The following AMPD3 variants were observed in gnomAD, a reference collection of about 807,000 sequenced individuals.
The protein encoded by AMPD3 is AMP deaminase 3.
AMPD3 carries 57 observed loss-of-function variants against 82.3 expected under a neutral mutation model. The observed-to-expected ratio is 0.69, with a 90% CI of 0.56 to 0.86. The LOEUF (loss-of-function observed/expected upper bound fraction) is 0.86, where lower values mean the gene tolerates loss of function less well. AMPD3 is among the 40% of genes least tolerant of loss of function. The pLI is 0.00. For missense variants in AMPD3, 870 were observed against 1,003.8 expected, an observed-to-expected ratio of 0.87 and a Z score of 1.80; for synonymous variants, 381 against 394.7, an observed-to-expected ratio of 0.97 and a Z score of 0.41.
chr11:10,461,567 A>G lies in AMPD3; in HGVS notation c.48A>G (p.Gln16=). ...TGAACATCTCTGAAGTGGATGAGCAAGTCCGGCTCCTGGCGGAGAAGGTGT... is the reference window on the plus strand; with the variant it reads ...TGAACATCTCTGAAGTGGATGAGCAGGTCCGGCTCCTGGCGGAGAAGGTGT... ...PKLNISEVDE[Q]VRLLAEKVFA... The change falls in exon 2 of 15, where the codon CAA becomes CAG. Residue 16 remains glutamine (Q), a synonymous_variant. Transcript: ENST00000396553. 1 of 1,614,226 alleles carries G rather than the reference A, an allele frequency of 6.2e-7. No homozygotes were observed. Among genetic ancestry groups the G allele is most frequent in the Non-Finnish European group, 8.5e-7 (1 of 1,180,028 alleles).
intron 2 of AMPD3, among the ~76,000 whole-genome samples, chr11:10,470,205 G>A (rs1347034432): frequency 3.9e-5 from 6 of 152,178 alleles, no homozygotes; most frequent in Admixed American, 3.9e-4. Flanking sequence ...CAGAACCAAT[G>A]ACGAAAACCA....
chr11:10,478,049 G>C (rs1486762103), intron 2 of AMPD3: 1 of 985,318 alleles, frequency 1.0e-6, no homozygotes, highest in Non-Finnish European at 1.2e-6. Context: ...GTGAAATGCA[G>C]TGTGATTGTC....
At chr11:10,475,943 A>T (rs920426823) in intron 2 of AMPD3, among the ~76,000 whole-genome samples, 17 of 152,194 alleles carry the variant, frequency 1.1e-4, no homozygotes. Context: ...TCCAGACAAG[A>T]GTACAGTGTG....
chr11:10,496,715 G>A (rs1849412376), intron 9 of AMPD3, 97 bp from the exon 10 acceptor site: 1 of 1,593,638 alleles, frequency 6.3e-7, no homozygotes, highest in Non-Finnish European at 8.6e-7. Flanking sequence ...GTGTTTGATG[G>A]GGACACAGGG....
intron 12 of AMPD3, chr11:10,502,076 T>C: frequency 5.1e-6 from 5 of 985,490 alleles, no homozygotes; most frequent in Non-Finnish European, 6.0e-6. Flanking sequence ...ACAGAGTCCA[T>C]CCACCTTTTC....
At chr11:10,473,743 A>G (rs1848658911) in intron 2 of AMPD3, 13 of 370,710 alleles carry the variant, frequency 3.5e-5, no homozygotes, top group Non-Finnish European at 4.8e-5. Context: ...GGAAGGTGTC[A>G]GCCCCTCTTA....
At chr11:10,481,647 T>A (rs1040166191) in intron 3 of AMPD3, 4 of 356,242 alleles carry the variant, frequency 1.1e-5, no homozygotes, top group Non-Finnish European at 1.6e-5. Context: ...AAGGGAGCGA[T>A]ACATGGAGGA....
chr11:10,482,243 G>A lies in AMPD3; in HGVS notation c.589+18G>A, dbSNP rs1293937012. 1 of 1,610,406 alleles carries A rather than the reference G, an allele frequency of 6.2e-7. No individual in the cohort carries two copies. On this transcript the variant is annotated intron_variant, in intron 4 of 14. Transcript: ENST00000396553. ...CCTTCCAGGTATGGAGCTCTGGCTG[G>A]AGGTTGGGTCCCAAGTGTGGGCAGA...
intron 2 of AMPD3, among the ~76,000 whole-genome samples, chr11:10,468,127 A>C (rs560820706): frequency 2.6e-4 from 39 of 152,358 alleles, no homozygotes; most frequent in African/African-American, 8.9e-4. Flanking sequence ...CAAAACAACC[A>C]GCTAGCATCA....
Position 10,461,540 on chromosome 11 carries a change from G to C in AMPD3, c.21G>C (p.Lys7Asn). ...CTGAGATGCCGCGGCAGTTTCCCAAGCTGAACATCTCTGAAGTGGATGAGC... is the reference window on the plus strand; with the variant it reads ...CTGAGATGCCGCGGCAGTTTCCCAACCTGAACATCTCTGAAGTGGATGAGC... MPRQFP[K>N]LNISEVDEQV... The change falls in exon 2 of 15, where the codon AAG becomes AAC. Residue 7 changes from lysine to asparagine, a missense_variant. Transcript: ENST00000396553. 1 of 1,614,188 alleles carries C rather than the reference G, an allele frequency of 6.2e-7. No individual in the cohort carries two copies. Among genetic ancestry groups the C allele is most frequent in the Non-Finnish European group, 8.5e-7 (1 of 1,180,042 alleles).
At chr11:10,488,336 G>T in intron 6 of AMPD3, 4 of 985,474 alleles carry the variant, frequency 4.1e-6, no homozygotes, top group Non-Finnish European at 4.8e-6. Flanking sequence ...GGCTTTGAGG[G>T]AGAGGCCAGA....
chr11:10,466,823 G>C (rs937718413), intron 2 of AMPD3, among the ~76,000 whole-genome samples: 1 of 152,190 alleles, frequency 6.6e-6, no homozygotes, highest in African/African-American at 2.4e-5. Context: ...TGCCCCTCTG[G>C]GATGAAGCTT....
chr11:10,453,865 G>T (rs1025989211), upstream of AMPD3, among the ~76,000 whole-genome samples: 2 of 152,138 alleles, frequency 1.3e-5, no homozygotes, highest in Admixed American at 1.3e-4. Flanking sequence ...GGGATTACAG[G>T]CATGAGCCAC....
chr11:10,450,444 G>C (rs1197575825), upstream of AMPD3: 1 of 985,920 alleles, frequency 1.0e-6, no homozygotes, highest in Non-Finnish European at 1.2e-6. Flanking sequence ...CAGGGAGCAA[G>C]TCACCTGTGC....
chr11:10,481,859 C>A, intron 3 of AMPD3: 1 of 642,496 alleles, frequency 1.6e-6, no homozygotes, highest in Non-Finnish European at 2.8e-6. Flanking sequence ...AGAAGGAAAG[C>A]AGGTGTCCAA....
In AMPD3 at chr11:10,458,805, A is replaced by G. The variant is rs1341744754; in HGVS notation, c.-5-2710A>G. Among the ~76,000 whole-genome samples, 3 of 152,274 alleles carry G rather than the reference A, an allele frequency of 2.0e-5. No individual in the cohort carries two copies. In the East Asian group the frequency reaches 5.8e-4, roughly 29 times the overall value. ...TTCTTTTTTTGAAAGAAATTTGTAG[A>G]AGTAAAGTTGCTTAGTCAAATGGTA... is the stretch of plus-strand genomic sequence containing the variant. On this transcript the variant is annotated intron_variant, in intron 1 of 14. Transcript: ENST00000396553.
intron 2 of AMPD3, among the ~76,000 whole-genome samples, chr11:10,476,053 G>A (rs75203317): frequency 0.12 from 17,856 of 152,192 alleles, 1,869 homozygotes; most frequent in East Asian, 0.64. Context: ...ATAAATAGCT[G>A]TTGTTTTAAG....
chr11:10,452,376 T>C (rs528471263), upstream of AMPD3, among the ~76,000 whole-genome samples: 72 of 152,306 alleles, frequency 4.7e-4, 3 homozygotes, highest in South Asian at 0.012. Flanking sequence ...TTCTTCTGTA[T>C]GCTGGTTGCA....
chr11:10,504,800 C>T (rs1849672823), intron 14 of AMPD3, 141 bp downstream of exon 14: 1 of 815,822 alleles, frequency 1.2e-6, no homozygotes, highest in Non-Finnish European at 2.1e-6. Context: ...AGAGAAGACG[C>T]GGCAGCCTCC....
Sources: gnomAD v4.1 joint callset for allele counts (sites outside exome capture counted in the v4.1 genomes callset) on GRCh38, gnomAD v4.1.1 for gene constraint, MANE v1.5 for transcripts, NCBI Gene and HGNC (gene_info 2026-07-23, HGNC 2026-07-21) for gene names.